The following RAD51B variants were observed in gnomAD, a reference collection of about 807,000 sequenced individuals.
RAD51B encodes the protein DNA repair protein RAD51 homolog 2.
In RAD51B, 38 loss-of-function variants were observed where a neutral mutation model predicts 42.2. The observed-to-expected ratio is 0.90, with a 90% confidence interval of 0.70 to 1.18. The LOEUF is 1.18. RAD51B is among the 50% of genes most tolerant of loss of function. RAD51B has a pLI of 0.00. For missense variants in RAD51B, 373 were observed against 400.7 expected (o/e 0.93, Z 0.59); for synonymous variants, 154 against 145.2 (o/e 1.06, Z -0.43).
chr14:67,931,462 C>T (rs1228401247), intron 7 of RAD51B, among the ~76,000 whole-genome samples: 2 of 138,994 alleles, frequency 1.4e-5, no homozygotes, highest in Non-Finnish European at 3.1e-5. Context: ...CATTGGGCTT[C>T]TTTAGTATCA....
intron 7 of RAD51B, among the ~76,000 whole-genome samples, chr14:67,915,670 A>G (rs2044126912): frequency 6.6e-6 from 1 of 152,186 alleles, no homozygotes; most frequent in Admixed American, 6.5e-5. Flanking sequence ...GGGCAAAAGT[A>G]TGTCATTCTT....
In RAD51B at chr14:68,165,118, G is replaced by A. The variant is rs549619539; in HGVS notation, c.757-126766G>A. Reference sequence around the variant, plus strand: ...CAGTGCCATATAAATAGCATTAATCGCATGGTATTTTCAATAATCTTTATG... The same window carrying A: ...CAGTGCCATATAAATAGCATTAATCACATGGTATTTTCAATAATCTTTATG... On this transcript the variant is annotated intron_variant, in intron 7 of 10. Transcript: ENST00000471583. Among the ~76,000 whole-genome samples, 7 of 152,260 alleles carry A rather than the reference G, an allele frequency of 4.6e-5. No homozygotes were observed. In the East Asian group the frequency reaches 9.6e-4, roughly 21 times the overall value.
chr14:68,613,108 C>T (rs1304773196), downstream of RAD51B, among the ~76,000 whole-genome samples: 1 of 152,192 alleles, frequency 6.6e-6, no homozygotes, highest in South Asian at 2.1e-4. Context: ...CTGCATAATG[C>T]AGACCAATAT....
chr14:68,344,741 T>A (rs1015028682), intron 8 of RAD51B, among the ~76,000 whole-genome samples: 2 of 150,412 alleles, frequency 1.3e-5, no homozygotes, highest in Non-Finnish European at 3.0e-5. Flanking sequence ...AGGTCAGGAG[T>A]TCGAGACCAG....
At chr14:68,494,258 C>T (rs888012813) in intron 10 of RAD51B, among the ~76,000 whole-genome samples, 3 of 140,270 alleles carry the variant, frequency 2.1e-5, no homozygotes, top group Non-Finnish European at 3.0e-5. Flanking sequence ...CCAGCCTGGG[C>T]GACAGAGTGA....
intron 10 of RAD51B, among the ~76,000 whole-genome samples, chr14:68,536,959 T>C (rs574565289): frequency 6.6e-6 from 1 of 151,958 alleles, no homozygotes; most frequent in East Asian, 1.9e-4. Context: ...TGAGCATCTA[T>C]AGTTCCTGCT....
At chr14:67,951,521 A>G (rs1295890560) in intron 7 of RAD51B, among the ~76,000 whole-genome samples, 1 of 152,222 alleles carries the variant, frequency 6.6e-6, no homozygotes, top group Non-Finnish European at 1.5e-5. Flanking sequence ...GCTTAAGCAG[A>G]AGAGTAACAG....
intron 7 of RAD51B, among the ~76,000 whole-genome samples, chr14:68,148,100 C>G (rs1243898005): frequency 2.0e-5 from 3 of 152,100 alleles, no homozygotes; most frequent in Admixed American, 6.6e-5. Context: ...TCATTTTGGT[C>G]TTGCTTTTTT....
chr14:68,128,110 G>A (rs1216100621), intron 7 of RAD51B, among the ~76,000 whole-genome samples: 1 of 152,154 alleles, frequency 6.6e-6, no homozygotes, highest in Non-Finnish European at 1.5e-5. Context: ...GGGACCAAAT[G>A]GCTTTTAAGA....
chr14:68,611,573 C>T (rs531027720), downstream of RAD51B: 28 of 407,126 alleles, frequency 6.9e-5, no homozygotes, highest in African/African-American at 4.1e-4. Context: ...AGGAAAGGTA[C>T]CATATAGAAA....
intron 7 of RAD51B, among the ~76,000 whole-genome samples, chr14:67,929,403 A>T (rs920612448): frequency 6.6e-6 from 1 of 152,114 alleles, no homozygotes. Context: ...TAGTTTTCAG[A>T]GTTCCTCTTG....
chr14:68,417,271 T>C (rs2084584657), intron 9 of RAD51B, among the ~76,000 whole-genome samples: 1 of 152,124 alleles, frequency 6.6e-6, no homozygotes, highest in African/African-American at 2.4e-5. Context: ...ATTATGTGAG[T>C]ATGTGTGTGT....
At chr14:68,516,748 A>C (rs902300579) in intron 10 of RAD51B, among the ~76,000 whole-genome samples, 2 of 152,206 alleles carry the variant, frequency 1.3e-5, no homozygotes, top group Admixed American at 1.3e-4. Flanking sequence ...AATAATATGC[A>C]TGGGTCATTT....
intron 6 of RAD51B, among the ~76,000 whole-genome samples, 177 bp downstream of exon 6, chr14:67,886,165 A>T (rs2043055338): frequency 6.6e-6 from 1 of 152,212 alleles, no homozygotes; most frequent in Non-Finnish European, 1.5e-5. Context: ...AAAACAAAAA[A>T]AATTAAATGA....
chr14:67,879,466 A>G (rs904503654), intron 5 of RAD51B, among the ~76,000 whole-genome samples: 3 of 151,852 alleles, frequency 2.0e-5, no homozygotes, highest in Admixed American at 6.6e-5. Context: ...TTTAAGAGAC[A>G]GGGCCTCGCT....
chr14:68,510,371 A>C lies in RAD51B; in HGVS notation c.1036+42121A>C, dbSNP rs546531491. 7.2e-5 allele frequency among the ~76,000 whole-genome samples: 11 copies of C among 152,290 alleles called. No homozygotes were observed. The East Asian group carries it at 1.7e-3, about 24-fold the overall frequency. Reference sequence around the variant, plus strand: ...CTCTGTCTCCAGGGAAGGGAGGTAGAGTAGGAGGCTGGGGGCGGGGGAGTG... The same window carrying C: ...CTCTGTCTCCAGGGAAGGGAGGTAGCGTAGGAGGCTGGGGGCGGGGGAGTG... On this transcript the variant is annotated intron_variant, in intron 10 of 10. Coordinates refer to the RAD51B transcript ENST00000487270.
At chr14:67,961,502 A>T (rs530579405) in intron 7 of RAD51B, among the ~76,000 whole-genome samples, 99 of 152,304 alleles carry the variant, frequency 6.5e-4, no homozygotes, top group African/African-American at 2.3e-3. Context: ...CCTATTTTTC[A>T]AAGACTGAAC....
At chr14:68,138,934 A>G (rs1184296481) in intron 7 of RAD51B, among the ~76,000 whole-genome samples, 1 of 152,166 alleles carries the variant, frequency 6.6e-6, no homozygotes, top group Non-Finnish European at 1.5e-5. Flanking sequence ...AAATTGGGAA[A>G]AGTAGCCATC....
intron 7 of RAD51B, among the ~76,000 whole-genome samples, chr14:68,002,108 T>C (rs1404586419): frequency 3.3e-5 from 5 of 152,212 alleles, no homozygotes; most frequent in Non-Finnish European, 5.9e-5. Context: ...TCTAGGTCTT[T>C]GAGGAATCGC....
Sources: gnomAD v4.1 joint callset for allele counts (sites outside exome capture counted in the v4.1 genomes callset) on GRCh38, gnomAD v4.1.1 for gene constraint, MANE v1.5 for transcripts, NCBI Gene and HGNC (gene_info 2026-07-23, HGNC 2026-07-21) for gene names.